Variants in CD52 observed in about 807,000 individuals in gnomAD.
The protein encoded by CD52 is CD52 molecule.
In CD52, 2 loss-of-function variants were observed where a neutral mutation model predicts 2.5. The observed-to-expected ratio is 0.79, with a 90% CI of 0.32 to 2.48. The LOEUF is 2.48. Among genes scored for constraint, CD52 ranks in the 30% most tolerant of loss-of-function variants. The probability of loss-of-function intolerance (pLI) is 0.11; values close to 1 mark genes in which losing one functional copy is unlikely to be tolerated. For synonymous variants in CD52, 24 were observed against 27.7 expected, an observed-to-expected ratio of 0.87 and a Z score of 0.42; for missense variants, 62 against 75.8, an observed-to-expected ratio of 0.82 and a Z score of 0.68.
Position 26,318,054 on chromosome 1 carries a change from C to G in CD52, c.37C>G (p.Leu13Val). 6.2e-7 allele frequency: 1 copy of G among 1,614,156 alleles called. No individual in the cohort carries two copies. The highest frequency in any genetic ancestry group is 8.5e-7 in the Non-Finnish European group (1 of 1,179,974). ...RFLFLLLTIS[L>V]LVMVQIQTGL... ...CCTCTTCCTCCTACTCACCATCAGC[C>G]TCCTGGTTATGGTACAGGTAAGAGC... is the stretch of plus-strand genomic sequence containing the variant. The change falls in exon 1 of 2, where the codon CTC (leucine) becomes GTC (valine). Residue 13 changes from leucine to valine, a missense_variant. Coordinates refer to ENST00000374213, the MANE Select transcript of CD52 (RefSeq NM_001803.3).
At chr1:26,318,370 C>T (rs963957707) in intron 1 of CD52, 8 of 327,286 alleles carry the variant, frequency 2.4e-5, no homozygotes, top group African/African-American at 1.7e-4. Flanking sequence ...TAATAGAGAA[C>T]TAAGAGACTT....
At chr1:26,319,624 T>C (rs920958693) in intron 1 of CD52, among the ~76,000 whole-genome samples, 3 of 151,006 alleles carry the variant, frequency 2.0e-5, no homozygotes, top group Non-Finnish European at 3.0e-5. Flanking sequence ...AAAGTTTCTG[T>C]GAAAGGGGGT....
intron 1 of CD52, chr1:26,318,412 GC>G: frequency 4.3e-6 from 1 of 235,056 alleles, no homozygotes. Flanking sequence ...GAAGGCATCG[GC>G]CCACAGGGAG....
At chr1:26,318,231 C>G in intron 1 of CD52, 160 bp downstream of exon 1, 1 of 642,012 alleles carries the variant, frequency 1.6e-6, no homozygotes, top group Admixed American at 2.8e-5. Context: ...GGCCTGGCCG[C>G]CCAGCCTTCC....
At chr1:26,319,464 G>GAGA (rs534638532) in intron 1 of CD52, among the ~76,000 whole-genome samples, 1 of 134,188 alleles carries the variant, frequency 7.5e-6, no homozygotes, top group Non-Finnish European at 1.6e-5. Flanking sequence ...CTCTGTCTCG[G>GAGA]AAAAAAAAAA....
intron 1 of CD52, chr1:26,318,569 C>T (rs895474574): frequency 2.6e-5 from 4 of 153,334 alleles, no homozygotes; most frequent in Non-Finnish European, 5.8e-5. Flanking sequence ...AGACAGGACT[C>T]TCCCATTTCA....
chr1:26,317,985 T>C lies in CD52; in HGVS notation c.-33T>C. The C allele has an allele frequency of 6.2e-7, 1 of 1,609,104 alleles. No individual in the cohort carries two copies. Among genetic ancestry groups the C allele is most frequent in the Non-Finnish European group, 8.5e-7 (1 of 1,175,458 alleles). On this transcript the variant is annotated 5_prime_UTR_variant, in exon 1 of 2. Coordinates refer to ENST00000374213, the MANE Select transcript of CD52 (RefSeq NM_001803.3). ...ACAGCCCTGAGATCACCTAAAAAGC[T>C]GCTACCAAGACAGCCACGAAGATCC... is the stretch of plus-strand genomic sequence containing the variant.
intron 1 of CD52, chr1:26,318,945 A>G (rs950331030): frequency 3.3e-5 from 5 of 152,306 alleles, no homozygotes; most frequent in African/African-American, 1.2e-4. Flanking sequence ...CCAGGCTAGG[A>G]AGGTCAAGGG....
rs2073842776 is a variant in CD52, at chr1:26,320,471, AGGGGCCAAGCAGTGCCCAGCT to A, written c.*174_*194del. 4.9e-6 allele frequency: 4 copies of A among 811,816 alleles called. No homozygotes were observed. Among genetic ancestry groups the A allele is most frequent in the Non-Finnish European group, 7.6e-6 (4 of 527,924 alleles). The allele number at this position is 811,816 out of a possible 1,614,324, so 50.3% of individuals were successfully genotyped here. ...AGCCAAAATAGGGGGGTAATGATGT[AGGGGCCAAGCAGTGCCCAGCT>A]GGGGGTCAATAAAGTTACCCTTGTA... On this transcript the variant is annotated 3_prime_UTR_variant, in exon 2 of 2. Transcript: ENST00000374213.
At chr1:26,319,661 C>T (rs984550031) in intron 1 of CD52, among the ~76,000 whole-genome samples, 34 of 152,064 alleles carry the variant, frequency 2.2e-4, no homozygotes, top group Admixed American at 1.2e-3. Flanking sequence ...CACCTCTGTC[C>T]CTGCCTGTGT....
rs771387802 is a variant in CD52, at chr1:26,320,282, C to T, written c.166C>T (p.His56Tyr). 4 of 1,613,032 alleles carry T rather than the reference C, an allele frequency of 2.5e-6. No homozygotes were observed. The highest frequency in any genetic ancestry group is 4.5e-5 in the East Asian group (2 of 44,886). ...TTTCTTCGTGGCCAATGCCATAATC[C>T]ACCTCTTCTGCTTCAGTTGAGGTGA... ...FLFFVANAII[H>Y]LFCFS The change falls in exon 2 of 2, where the codon CAC (histidine) becomes TAC (tyrosine). Residue 56 changes from histidine to tyrosine, a missense_variant. His to Tyr is a moderately conservative substitution (Grantham distance 83). Coordinates refer to ENST00000374213, the MANE Select transcript of CD52 (RefSeq NM_001803.3).
In CD52 at chr1:26,320,436, T is replaced by G; in HGVS notation, c.*134T>G. The G allele has an allele frequency of 8.0e-7, 1 of 1,245,338 alleles. No individual in the cohort carries two copies. Among genetic ancestry groups the G allele is most frequent in the Non-Finnish European group, 1.1e-6 (1 of 907,016 alleles). 77.1% of individuals were successfully genotyped at this position (1,245,338 alleles called of 1,614,324 possible). On this transcript the variant is annotated 3_prime_UTR_variant, in exon 2 of 2. Transcript: ENST00000374213. Reference sequence around the variant, plus strand: ...TTGTAGAAGTTGACAGGCAGTGCCATGGGGGCAACAGCCAAAATAGGGGGG... The same window carrying G: ...TTGTAGAAGTTGACAGGCAGTGCCAGGGGGGCAACAGCCAAAATAGGGGGG...
In CD52 at chr1:26,318,046, C is replaced by T. The variant is rs77928789; in HGVS notation, c.29C>T (p.Thr10Ile). Residue 10 changes from threonine to isoleucine, a missense_variant, in exon 1 of 2, where the codon ACC becomes ATC. Transcript: ENST00000374213. MKRFLFLLL[T>I]ISLLVMVQIQ... ...AAGCGCTTCCTCTTCCTCCTACTCA[C>T]CATCAGCCTCCTGGTTATGGTACAG... 5.0e-6 allele frequency: 8 copies of T among 1,614,070 alleles called. No individual in the cohort carries two copies. Among genetic ancestry groups the T allele is most frequent in the Non-Finnish European group, 6.8e-6 (8 of 1,180,008 alleles).
chr1:26,319,976 C>T (rs1299268934), intron 1 of CD52, among the ~76,000 whole-genome samples, 195 bp from the exon 2 acceptor site: 2 of 151,550 alleles, frequency 1.3e-5, no homozygotes, highest in African/African-American at 2.4e-5. Context: ...AAAAATTAGC[C>T]GGGCGTGGTG....
intron 1 of CD52, chr1:26,318,290 C>G (rs973007852): frequency 6.9e-5 from 38 of 552,222 alleles, no homozygotes; most frequent in Non-Finnish European, 1.1e-4. Context: ...CTGAGAGAAA[C>G]CTGTATCCAC....
At chr1:26,319,432 C>A (rs140972857) in intron 1 of CD52, among the ~76,000 whole-genome samples, 25 of 147,760 alleles carry the variant, frequency 1.7e-4, no homozygotes, top group Admixed American at 2.7e-4. Flanking sequence ...GCACTCCAGC[C>A]TGGGCGGGCG....
intron 1 of CD52, chr1:26,318,361 A>G: frequency 2.7e-6 from 1 of 365,704 alleles, no homozygotes; most frequent in South Asian, 4.4e-5. Flanking sequence ...GTTGTGGAAT[A>G]ATAGAGAACT....
intron 1 of CD52, 149 bp downstream of exon 1, chr1:26,318,220 G>A (rs868576231): frequency 1.0e-5 from 7 of 676,608 alleles, no homozygotes; most frequent in Middle Eastern, 7.8e-4. Flanking sequence ...GGGACACAGC[G>A]GGCCTGGCCG....
At chr1:26,319,728 C>T (rs1051793374) in intron 1 of CD52, among the ~76,000 whole-genome samples, 4 of 151,960 alleles carry the variant, frequency 2.6e-5, no homozygotes, top group Non-Finnish European at 5.9e-5. Context: ...GTAGTGGTCA[C>T]ATGGGGCAGA....
Sources: allele counts gnomAD v4.1 joint callset (sites outside exome capture counted in the v4.1 genomes callset), GRCh38; gene constraint gnomAD v4.1.1; transcripts MANE v1.5; gene names NCBI Gene and HGNC (gene_info 2026-07-23, HGNC 2026-07-21).